The following ANKRD12 variants were observed in gnomAD, a reference collection of about 807,000 sequenced individuals.
ANKRD12 encodes ankyrin repeat domain 12, also known as ankyrin repeat domain-containing protein 12.
In ANKRD12, 85 loss-of-function variants were observed where a neutral mutation model predicts 183.4. The ratio of observed to expected loss-of-function variants is 0.46; its 90% CI spans 0.39 to 0.56. The LOEUF is 0.56. ANKRD12 is among the 20% of genes least tolerant of loss of function. The probability of loss-of-function intolerance (pLI) is 0.00; values close to 1 mark genes in which losing one functional copy is unlikely to be tolerated. For missense variants in ANKRD12, 2,405 were observed against 2,357.1 expected (o/e 1.02, Z -0.42); for synonymous variants, 914 against 800.2 (o/e 1.14, Z -2.40).
chr18:9,211,320 G>A (rs374562040), intron 5 of ANKRD12, among the ~76,000 whole-genome samples: 11 of 152,066 alleles, frequency 7.2e-5, no homozygotes, highest in South Asian at 2.1e-4. Flanking sequence ...TTTAGAGTAC[G>A]TATTTGATAC....
intron 8 of ANKRD12, chr18:9,249,589 C>A (rs2145106965): frequency 6.6e-6 from 1 of 152,320 alleles, no homozygotes; most frequent in Non-Finnish European, 1.5e-5. Flanking sequence ...AAGTCTACTT[C>A]CCGTCTTCCT....
rs2036135581 is a variant in ANKRD12, at chr18:9,216,861, C to T, written c.756C>T (p.Asp252=). The stretch of plus-strand genomic sequence containing the variant: ...TTAACACACAAGGATTAGATGATGA[C>T]ACTCCACTCCATGATTCTGCTAGTA... ...ADVNTQGLDD[D]TPLHDSASSG... is the part of the protein sequence containing the mutation. The change falls in exon 7 of 13, where the codon GAC becomes GAT. Residue 252 remains aspartate (D), a synonymous_variant. Transcript: ENST00000262126. 2 of 1,613,358 alleles carry T rather than the reference C, an allele frequency of 1.2e-6. No individual in the cohort carries two copies. The highest frequency in any genetic ancestry group is 2.7e-5 in the African/African-American group (2 of 74,900).
At chr18:9,263,229 A>G (rs993647779) in intron 9 of ANKRD12, among the ~76,000 whole-genome samples, 3 of 152,204 alleles carry the variant, frequency 2.0e-5, no homozygotes, top group Non-Finnish European at 2.9e-5. Context: ...ATCAAATTAG[A>G]GATGAACCAG....
intron 1 of ANKRD12, among the ~76,000 whole-genome samples, chr18:9,146,232 A>AT (rs1289747125): frequency 6.6e-6 from 1 of 152,182 alleles, no homozygotes; most frequent in African/African-American, 2.4e-5. Flanking sequence ...ATTCAAAAAC[A>AT]TTTGTGTGGT....
Position 9,204,528 on chromosome 18 carries a change from T to A in ANKRD12, c.288T>A (p.Ser96=). ...SENWGERLIS[S]YRTYSEKEGP... is the part of the protein sequence containing the mutation. ...ATTGGGGGGAGAGACTTATATCTTC[T>A]TACAGGACATACTCAGGTAATTAGA... The change falls in exon 4 of 13, where the codon TCT becomes TCA. Residue 96 remains serine, a synonymous_variant. Coordinates refer to ENST00000262126, the MANE Select transcript of ANKRD12 (RefSeq NM_015208.5). The A allele has an allele frequency of 6.3e-7, 1 of 1,596,068 alleles. No homozygotes were observed. The highest frequency in any genetic ancestry group is 8.6e-7 in the Non-Finnish European group (1 of 1,167,826).
chr18:9,186,944 G>T (rs1210334650), intron 2 of ANKRD12, among the ~76,000 whole-genome samples: 1 of 151,740 alleles, frequency 6.6e-6, no homozygotes, highest in African/African-American at 2.4e-5. Context: ...GTAGAGACGG[G>T]GTTTCACCGT....
rs761738932 is a variant in ANKRD12, at chr18:9,216,799, G to A, written c.694G>A (p.Asp232Asn). Residue 232 changes from aspartate (D) to asparagine (N), a missense_variant, in exon 7 of 13, where the codon GAT becomes AAT. Around this residue, in one of 7 missense-constraint regions of ANKRD12, gnomAD observed 39 missense variants for 104.8 expected, o/e 0.37. Transcript: ENST00000262126. Reference protein sequence around the residue: ...LHEACNVGYYDVAKILIAAGA... With the variant: ...LHEACNVGYYNVAKILIAAGA... ...TGAAGCTTGCAATGTTGGATATTAC[G>A]ATGTTGCTAAGATACTTATAGCAGC... 5 of 1,613,592 alleles carry A rather than the reference G, an allele frequency of 3.1e-6. No individual in the cohort carries two copies. Among genetic ancestry groups the A allele is most frequent in the South Asian group, 2.2e-5 (2 of 91,046 alleles).
intron 8 of ANKRD12, among the ~76,000 whole-genome samples, chr18:9,237,174 C>A (rs2037394483): frequency 6.6e-6 from 1 of 152,076 alleles, no homozygotes; most frequent in African/African-American, 2.4e-5. Context: ...TTTTGAAAAA[C>A]AGTCTAGCAA....
chr18:9,191,019 A>G (rs929962133), intron 2 of ANKRD12, among the ~76,000 whole-genome samples: 1 of 152,108 alleles, frequency 6.6e-6, no homozygotes, highest in African/African-American at 2.4e-5. Flanking sequence ...TTTTCTGGAT[A>G]CTTCTTTTAC....
At chr18:9,211,886 A>G (rs1417581548) in intron 6 of ANKRD12, 102 bp downstream of exon 6, 15 of 1,052,904 alleles carry the variant, frequency 1.4e-5, no homozygotes, top group African/African-American at 4.9e-5. Flanking sequence ...CTGAAATGAA[A>G]GAGTTCTAAA....
chr18:9,280,699 G>T (rs572804763), intron 12 of ANKRD12, among the ~76,000 whole-genome samples: 8 of 152,200 alleles, frequency 5.3e-5, no homozygotes, highest in African/African-American at 1.9e-4. Flanking sequence ...TGAAGCAGGA[G>T]ACTCGCTTGA....
chr18:9,190,669 C>T (rs1342840087), intron 2 of ANKRD12, among the ~76,000 whole-genome samples: 7 of 152,176 alleles, frequency 4.6e-5, no homozygotes, highest in African/African-American at 1.4e-4. Flanking sequence ...GATCAGCAAA[C>T]AGCCATCAAC....
At chr18:9,157,930 G>A (rs990293200) in intron 1 of ANKRD12, among the ~76,000 whole-genome samples, 1 of 152,078 alleles carries the variant, frequency 6.6e-6, no homozygotes, top group African/African-American at 2.4e-5. Context: ...GAACTTAAGT[G>A]GTCAAACTGA....
At position 9,258,486 on chromosome 18, in the gene ANKRD12, C is replaced by T. The variant is rs531458940; in HGVS notation, c.5219C>T (p.Ala1740Val). ...CCTCAAAGAATGACTAGAAACAAAGCAAATACAATGGCAAATCAAAGCAAA... is the reference window on the plus strand; with the variant it reads ...CCTCAAAGAATGACTAGAAACAAAGTAAATACAATGGCAAATCAAAGCAAA... ...QIPQRMTRNKANTMANQSKQI... is the reference protein window; with the variant it reads ...QIPQRMTRNKVNTMANQSKQI... The change falls in exon 9 of 13, where the codon GCA becomes GTA. Residue 1740 changes from alanine (A) to valine (V), a missense_variant. By Grantham distance (64) the Ala-to-Val change is moderately conservative. Coordinates refer to ENST00000262126, the MANE Select transcript of ANKRD12 (RefSeq NM_015208.5). 4 of 1,613,636 alleles carry T rather than the reference C, an allele frequency of 2.5e-6. No homozygotes were observed. The highest frequency in any genetic ancestry group is 2.2e-5 in the South Asian group (2 of 91,048).
At chr18:9,181,022 C>G (rs1264505124) in intron 1 of ANKRD12, among the ~76,000 whole-genome samples, 1 of 152,094 alleles carries the variant, frequency 6.6e-6, no homozygotes, top group Non-Finnish European at 1.5e-5. Context: ...CAGTGGCTAG[C>G]TTTGAGGACA....
intron 1 of ANKRD12, among the ~76,000 whole-genome samples, chr18:9,145,602 A>G (rs1414049754): frequency 6.6e-6 from 1 of 152,138 alleles, no homozygotes; most frequent in Admixed American, 6.5e-5. Context: ...AATGGTTAGC[A>G]TATGTTTATT....
chr18:9,277,565 G>T (rs985904795), intron 11 of ANKRD12, among the ~76,000 whole-genome samples: 4 of 151,716 alleles, frequency 2.6e-5, no homozygotes, highest in African/African-American at 4.8e-5. Context: ...CTGACCTCGT[G>T]ATCCACCCGC....
chr18:9,233,656 T>C (rs2037179776), intron 8 of ANKRD12, among the ~76,000 whole-genome samples: 1 of 152,144 alleles, frequency 6.6e-6, no homozygotes. Context: ...GATAGTGCAG[T>C]GTAATGTGTA....
chr18:9,223,142 G>A (rs987804130), intron 8 of ANKRD12, among the ~76,000 whole-genome samples: 9 of 152,130 alleles, frequency 5.9e-5, no homozygotes, highest in African/African-American at 1.9e-4. Flanking sequence ...CTCAGGGTTG[G>A]GCGTGGTGGC....
Sources: allele counts gnomAD v4.1 joint callset (sites outside exome capture counted in the v4.1 genomes callset), GRCh38; gene constraint gnomAD v4.1.1; regional missense constraint gnomAD v4.1.1; transcripts MANE v1.5; gene names NCBI Gene and HGNC (gene_info 2026-07-23, HGNC 2026-07-21).